The following CNTN4 variants were observed in gnomAD, a reference collection of about 807,000 sequenced individuals.
CNTN4 encodes the protein contactin 4.
In CNTN4, 77 loss-of-function variants were observed where a neutral mutation model predicts 122.5. The ratio of observed to expected loss-of-function variants is 0.63; its 90% confidence interval spans 0.52 to 0.76. The LOEUF is 0.76. CNTN4 is among the 30% of genes least tolerant of loss of function. The pLI is 0.00. For missense variants in CNTN4, 1,256 were observed against 1,259.1 expected, an observed-to-expected ratio of 1.00 and a Z score of 0.04; for synonymous variants, 512 against 447.0, an observed-to-expected ratio of 1.15 and a Z score of -1.83.
chr3:2,341,988 A>C (rs939269812), intron 3 of CNTN4, among the ~76,000 whole-genome samples: 1 of 152,174 alleles, frequency 6.6e-6, no homozygotes, highest in Non-Finnish European at 1.5e-5. Flanking sequence ...TTAGCTACCC[A>C]AAGATACATG....
intron 4 of CNTN4, among the ~76,000 whole-genome samples, chr3:2,657,961 G>C (rs2083673671): frequency 6.6e-6 from 1 of 150,478 alleles, no homozygotes; most frequent in African/African-American, 2.5e-5. Context: ...GTATCAGGTG[G>C]TAACTGAAGC....
intron 3 of CNTN4, among the ~76,000 whole-genome samples, chr3:2,359,404 A>G (rs2045020287): frequency 6.6e-6 from 1 of 152,226 alleles, no homozygotes; most frequent in Non-Finnish European, 1.5e-5. Context: ...GTTATAAACA[A>G]TTGTAGTTTC....
intron 4 of CNTN4, among the ~76,000 whole-genome samples, chr3:2,604,698 TA>T: frequency 6.6e-6 from 1 of 152,296 alleles, no homozygotes; most frequent in Non-Finnish European, 1.5e-5. Flanking sequence ...ATGATTTACA[TA>T]TAAAAAGCTG....
At chr3:2,717,558 T>G (rs1453259383) in intron 4 of CNTN4, among the ~76,000 whole-genome samples, 1 of 152,218 alleles carries the variant, frequency 6.6e-6, no homozygotes, top group East Asian at 1.9e-4. Context: ...CCTTTTACAT[T>G]ATGATCTAAT....
rs1194268034 is a variant in CNTN4, at chr3:2,954,955, G to A, written c.1358+29176G>A. On this transcript the variant is annotated intron_variant, in intron 13 of 24. Transcript: ENST00000418658. ...ACCGTAGTCTCATTCCCTACGCCCT[G>A]CCCCCTGCCCCGCACCACCCCAATC... Among the ~76,000 whole-genome samples the A allele has an allele frequency of 2.6e-5, 4 of 151,982 alleles. No homozygotes were observed. In the East Asian group the frequency reaches 7.7e-4, roughly 29 times the overall value.
At chr3:2,822,278 C>T (rs893510654) in intron 7 of CNTN4, among the ~76,000 whole-genome samples, 1 of 152,140 alleles carries the variant, frequency 6.6e-6, no homozygotes, top group Non-Finnish European at 1.5e-5. Context: ...TTATTTGATA[C>T]TGGGAAAATA....
intron 2 of CNTN4, among the ~76,000 whole-genome samples, chr3:2,220,631 C>G (rs1385983036): frequency 6.6e-6 from 1 of 152,048 alleles, no homozygotes; most frequent in Non-Finnish European, 1.5e-5. Context: ...AATCAATTAA[C>G]TTTTGAAGCC....
At chr3:3,046,923 G>A (rs1312073724) in intron 23 of CNTN4, among the ~76,000 whole-genome samples, 1 of 137,144 alleles carries the variant, frequency 7.3e-6, no homozygotes, top group East Asian at 2.0e-4. Context: ...ATAAAGGGAT[G>A]GAGGAAGATC....
At chr3:2,995,994 C>T (rs1025980148) in intron 14 of CNTN4, among the ~76,000 whole-genome samples, 2 of 151,948 alleles carry the variant, frequency 1.3e-5, no homozygotes, top group Non-Finnish European at 2.9e-5. Flanking sequence ...CATATGGTAT[C>T]ATTTTATTTA....
intron 3 of CNTN4, among the ~76,000 whole-genome samples, chr3:2,425,479 T>A (rs1232028044): frequency 6.6e-6 from 1 of 152,210 alleles, no homozygotes; most frequent in African/African-American, 2.4e-5. Context: ...TGTAGCCTTG[T>A]AGTATAGTTT....
chr3:3,023,946 G>T (rs913895265), intron 14 of CNTN4, among the ~76,000 whole-genome samples: 1 of 152,140 alleles, frequency 6.6e-6, no homozygotes, highest in African/African-American at 2.4e-5. Context: ...ATGACTCTTA[G>T]ACATCAGTCT....
At chr3:2,335,235 T>C (rs1276641880) in intron 2 of CNTN4, among the ~76,000 whole-genome samples, 5 of 152,136 alleles carry the variant, frequency 3.3e-5, no homozygotes, top group Admixed American at 3.3e-4. Context: ...TAATAAAAAC[T>C]TTAACTTAGG....
In CNTN4 at chr3:2,157,922, C is replaced by G. The variant is rs551221071; in HGVS notation, c.-145+57283C>G. ...ATTGGCACACACACAAAATCATTCT[C>G]AGAAATCTATCAAAACCAATTAAAG... On this transcript the variant is annotated intron_variant, in intron 2 of 24. Coordinates refer to ENST00000418658, the MANE Select transcript of CNTN4 (RefSeq NM_175607.3). Among the ~76,000 whole-genome samples, 11 of 152,266 alleles carry G rather than the reference C, an allele frequency of 7.2e-5. No individual in the cohort carries two copies. In the South Asian group the frequency reaches 2.3e-3, roughly 32 times the overall value.
chr3:2,617,287 A>C (rs1359434034), intron 4 of CNTN4, among the ~76,000 whole-genome samples: 7 of 152,050 alleles, frequency 4.6e-5, no homozygotes, highest in Non-Finnish European at 1.0e-4. Context: ...ACTTGAACAA[A>C]TTTTCAAGAA....
At chr3:2,183,854 T>C (rs1224897013) in intron 2 of CNTN4, among the ~76,000 whole-genome samples, 4 of 152,170 alleles carry the variant, frequency 2.6e-5, no homozygotes, top group Non-Finnish European at 4.4e-5. Flanking sequence ...TGGAAGACAC[T>C]TCTCTCCTAT....
At chr3:2,653,200 T>C (rs932960285) in intron 4 of CNTN4, among the ~76,000 whole-genome samples, 18 of 152,104 alleles carry the variant, frequency 1.2e-4, no homozygotes, top group African/African-American at 4.3e-4. Flanking sequence ...TTTTTAAAAA[T>C]TGTAAAAAAA....
intron 3 of CNTN4, among the ~76,000 whole-genome samples, chr3:2,425,615 T>C (rs1272099801): frequency 8.5e-5 from 13 of 152,184 alleles, no homozygotes; most frequent in Non-Finnish European, 1.6e-4. Context: ...AAGAAAGTCA[T>C]TGGTAGCTTG....
At chr3:2,222,178 C>T (rs1212551943) in intron 2 of CNTN4, among the ~76,000 whole-genome samples, 1 of 152,048 alleles carries the variant, frequency 6.6e-6, no homozygotes, top group African/African-American at 2.4e-5. Flanking sequence ...AGTTAGTACA[C>T]GAAATGTGTT....
intron 13 of CNTN4, among the ~76,000 whole-genome samples, chr3:2,985,021 A>T (rs1285208521): frequency 6.6e-6 from 1 of 152,346 alleles, no homozygotes; most frequent in East Asian, 1.9e-4. Context: ...GAGGTATCAG[A>T]TGGTCTTTAC....
Sources: allele counts gnomAD v4.1 joint callset (sites outside exome capture counted in the v4.1 genomes callset), GRCh38; gene constraint gnomAD v4.1.1; transcripts MANE v1.5; gene names NCBI Gene and HGNC (gene_info 2026-07-23, HGNC 2026-07-21).